Variants in MAPK10 observed in about 807,000 individuals in gnomAD.
MAPK10 encodes mitogen-activated protein kinase 10, also known as JNK3 alpha protein kinase.
Under a neutral mutation model 59.3 loss-of-function variants are expected in MAPK10, and 25 were observed. The ratio of observed to expected loss-of-function variants is 0.42; its 90% confidence interval spans 0.31 to 0.59. The LOEUF (loss-of-function observed/expected upper bound fraction) is 0.59. Among genes scored for constraint, MAPK10 ranks in the 20% least tolerant of loss-of-function variants. MAPK10 has a pLI of 0.15. For missense variants in MAPK10, 351 were observed against 568.9 expected (o/e 0.62, Z 3.90); for synonymous variants, 190 against 200.5 (o/e 0.95, Z 0.44).
At chr4:86,566,036 G>A (rs535021314) in intron 1 of MAPK10, among the ~76,000 whole-genome samples, 2 of 152,090 alleles carry the variant, frequency 1.3e-5, no homozygotes, top group African/African-American at 2.4e-5. Context: ...TACCTCTTCA[G>A]GAAGTCTTTT....
In MAPK10 at chr4:86,525,408, G is replaced by A. The variant is rs561465746; in HGVS notation, c.-263+68502C>T. On this transcript the variant is annotated intron_variant, in intron 1 of 4. Transcript: ENST00000502302. The stretch of plus-strand genomic sequence containing the variant: ...AGGAGGTTCCCAGGTTTGTATTCAC[G>A]TTACCTAGATTTTAATTTGACCTAA... Among the ~76,000 whole-genome samples, 7 of 152,226 alleles carry A rather than the reference G, an allele frequency of 4.6e-5. No homozygotes were observed. The East Asian group carries it at 9.7e-4, about 21-fold the overall frequency.
intron 4 of MAPK10, chr4:86,152,063 C>T (rs1274245765): frequency 1.3e-5 from 2 of 152,170 alleles, no homozygotes; most frequent in African/African-American, 2.4e-5. Context: ...GGGTAGAGCC[C>T]AGGCTGGAGT....
At chr4:86,095,055 A>G (rs759131393) in intron 9 of MAPK10, 1 of 151,906 alleles carries the variant, frequency 6.6e-6, no homozygotes, top group Non-Finnish European at 1.5e-5. Flanking sequence ...AACACTTTAC[A>G]CAAGAAAAAT....
chr4:86,295,213 T>G (rs1227457400), intron 2 of MAPK10, among the ~76,000 whole-genome samples: 1 of 152,160 alleles, frequency 6.6e-6, no homozygotes, highest in Non-Finnish European at 1.5e-5. Flanking sequence ...CGGTGTTTGT[T>G]GTTTAACCCC....
chr4:86,252,008 C>A (rs1323960567), intron 2 of MAPK10, among the ~76,000 whole-genome samples: 1 of 116,350 alleles, frequency 8.6e-6, no homozygotes, highest in Non-Finnish European at 1.6e-5. Flanking sequence ...CCTTCACCCA[C>A]TTTTTGATGG....
intron 2 of MAPK10, among the ~76,000 whole-genome samples, chr4:86,341,486 C>A (rs1339571606): frequency 2.0e-5 from 3 of 152,046 alleles, no homozygotes; most frequent in African/African-American, 7.2e-5. Context: ...CTTTACAGGA[C>A]AATTGTGTGG....
chr4:86,550,514 C>G (rs1650369993), intron 1 of MAPK10, among the ~76,000 whole-genome samples: 1 of 147,804 alleles, frequency 6.8e-6, no homozygotes, highest in African/African-American at 2.5e-5. Context: ...GCCTGGGAAA[C>G]ATGTTGAAAT....
chr4:86,142,037 G>A (rs1425920168), intron 4 of MAPK10, among the ~76,000 whole-genome samples: 1 of 152,238 alleles, frequency 6.6e-6, no homozygotes, highest in East Asian at 1.9e-4. Flanking sequence ...ATCTATTCCT[G>A]CAAGAATTAA....
intron 2 of MAPK10, among the ~76,000 whole-genome samples, chr4:86,260,129 T>C (rs2093927908): frequency 1.3e-5 from 2 of 152,054 alleles, no homozygotes; most frequent in South Asian, 2.1e-4. Flanking sequence ...TTTTCCCCAG[T>C]TTCCAGATGA....
chr4:86,246,741 G>GT (rs2093117072), intron 2 of MAPK10, among the ~76,000 whole-genome samples: 2 of 152,182 alleles, frequency 1.3e-5, no homozygotes, highest in Non-Finnish European at 2.9e-5. Flanking sequence ...CAGAGCAGGT[G>GT]AACAGAAGAG....
chr4:86,395,705 A>G (rs763613791), intron 1 of MAPK10, among the ~76,000 whole-genome samples: 1 of 152,314 alleles, frequency 6.6e-6, no homozygotes, highest in Middle Eastern at 3.4e-3. Context: ...GAAGCTGCAG[A>G]GCCCAAGATC....
intron 4 of MAPK10, among the ~76,000 whole-genome samples, chr4:86,134,292 C>T (rs1252743300): frequency 6.6e-6 from 1 of 152,148 alleles, no homozygotes; most frequent in Non-Finnish European, 1.5e-5. Context: ...CCATTCCCTT[C>T]CTATGTATAT....
At chr4:86,216,172 C>T (rs189541038) in intron 2 of MAPK10, among the ~76,000 whole-genome samples, 32 of 151,636 alleles carry the variant, frequency 2.1e-4, no homozygotes, top group Non-Finnish European at 4.1e-4. Flanking sequence ...GTACACCTGT[C>T]TTCATAGCAG....
At chr4:86,493,427 T>A (rs1754633437) in intron 1 of MAPK10, among the ~76,000 whole-genome samples, 2 of 152,242 alleles carry the variant, frequency 1.3e-5, no homozygotes, top group African/African-American at 4.8e-5. Flanking sequence ...ATATTCTAGG[T>A]AGTTATTCTA....
At chr4:86,370,931 C>T (rs1738663497) in intron 1 of MAPK10, 1 of 152,118 alleles carries the variant, frequency 6.6e-6, no homozygotes, top group Non-Finnish European at 1.5e-5. Flanking sequence ...ACAGAGATTT[C>T]ATAAGAATAG....
chr4:86,023,812 A>AATATATATATATATATATATATAT (rs368982706), intron 13 of MAPK10: 14 of 100,440 alleles, frequency 1.4e-4, no homozygotes, highest in Admixed American at 2.0e-4. Context: ...AGATCAAATG[A>AATATATATATATATATATATATAT]ATATATATAT....
At chr4:86,497,402 G>A (rs1419525250) in intron 1 of MAPK10, among the ~76,000 whole-genome samples, 2 of 152,150 alleles carry the variant, frequency 1.3e-5, no homozygotes, top group East Asian at 3.9e-4. Flanking sequence ...CAGGCTCCTT[G>A]GCTCTGCCAG....
At chr4:86,161,023 T>C (rs1430853370) in intron 3 of MAPK10, among the ~76,000 whole-genome samples, 1 of 151,918 alleles carries the variant, frequency 6.6e-6, no homozygotes, top group Non-Finnish European at 1.5e-5. Context: ...TGGCAAAACC[T>C]ACAAATCCAG....
intron 11 of MAPK10, among the ~76,000 whole-genome samples, chr4:86,033,900 G>A (rs149232633): frequency 1.3e-5 from 2 of 152,276 alleles, no homozygotes; most frequent in South Asian, 2.1e-4. Flanking sequence ...CAACACACAC[G>A]TATAAGTGCT....
Sources: gnomAD v4.1 joint callset for allele counts (sites outside exome capture counted in the v4.1 genomes callset) on GRCh38, gnomAD v4.1.1 for gene constraint, MANE v1.5 for transcripts, NCBI Gene and HGNC (gene_info 2026-07-23, HGNC 2026-07-21) for gene names.